Variants in GRM1 observed in about 807,000 individuals in gnomAD.
The protein encoded by GRM1 is metabotropic glutamate receptor 1.
A neutral mutation model predicts 90.9 loss-of-function variants in GRM1; 33 were observed. The ratio of observed to expected loss-of-function variants is 0.36; its 90% CI spans 0.28 to 0.49. The LOEUF is 0.49. Ranked by LOEUF, GRM1 falls within the 20% of genes least tolerant of loss-of-function variation. The probability of loss-of-function intolerance (pLI) is 0.99; values close to 1 mark genes in which losing one functional copy is unlikely to be tolerated. For missense variants in GRM1, 1,190 were observed against 1,534.3 expected, an observed-to-expected ratio of 0.78 and a Z score of 3.75; for synonymous variants, 700 against 613.2, an observed-to-expected ratio of 1.14 and a Z score of -2.09.
chr6:146,031,115 T>A (rs937579699), intron 1 of GRM1, among the ~76,000 whole-genome samples: 1 of 152,200 alleles, frequency 6.6e-6, no homozygotes, highest in Non-Finnish European at 1.5e-5. Flanking sequence ...GACTTATGGA[T>A]GTGAATTTTC....
chr6:146,194,748 T>C (rs986356624), intron 2 of GRM1, among the ~76,000 whole-genome samples: 9 of 152,204 alleles, frequency 5.9e-5, no homozygotes, highest in African/African-American at 2.2e-4. Flanking sequence ...ACTAAGTAGA[T>C]ATTGTCCCAC....
intron 2 of GRM1, among the ~76,000 whole-genome samples, chr6:146,207,362 C>T (rs916276105): frequency 3.9e-5 from 6 of 152,044 alleles, no homozygotes; most frequent in Non-Finnish European, 8.8e-5. Flanking sequence ...CTTTTATTTT[C>T]TTGCTTGTTG....
rs536160148 is a variant in GRM1, at chr6:146,147,331, G to A, written c.701-12017G>A. On this transcript the variant is annotated intron_variant, in intron 1 of 7. Coordinates refer to ENST00000282753, the MANE Select transcript of GRM1 (RefSeq NM_001278064.2). ...CAAATCCCAGCTCCGACAGTATCTGGGCAAGTTACGTAAGTTCTCTAGTCC... is the reference window on the plus strand; with the variant it reads ...CAAATCCCAGCTCCGACAGTATCTGAGCAAGTTACGTAAGTTCTCTAGTCC... Among the ~76,000 whole-genome samples the A allele has an allele frequency of 3.3e-5, 5 of 152,302 alleles. No individual in the cohort carries two copies. The East Asian group carries it at 5.8e-4, about 18-fold the overall frequency.
At chr6:146,273,014 T>A (rs1347821327) in intron 2 of GRM1, among the ~76,000 whole-genome samples, 2 of 152,184 alleles carry the variant, frequency 1.3e-5, no homozygotes, top group Non-Finnish European at 2.9e-5. Context: ...AAGACAGGTC[T>A]TTCTTCCAGC....
At chr6:146,339,649 G>A (rs1180705261) in intron 3 of GRM1, among the ~76,000 whole-genome samples, 1 of 152,158 alleles carries the variant, frequency 6.6e-6, no homozygotes, top group Non-Finnish European at 1.5e-5. Context: ...GAATAATTGA[G>A]ATAATATGAA....
At chr6:146,390,074 A>AT (rs1776661373) in intron 6 of GRM1, among the ~76,000 whole-genome samples, 1 of 151,840 alleles carries the variant, frequency 6.6e-6, no homozygotes, top group Non-Finnish European at 1.5e-5. Context: ...TTTATGGGTA[A>AT]TTTTTTTTCA....
chr6:146,130,765 G>C (rs917912550), intron 1 of GRM1, among the ~76,000 whole-genome samples: 1 of 152,118 alleles, frequency 6.6e-6, no homozygotes, highest in Non-Finnish European at 1.5e-5. Flanking sequence ...CTGAGTTTAG[G>C]CTGTGACATT....
At chr6:146,166,168 G>A (rs1373283709) in intron 2 of GRM1, among the ~76,000 whole-genome samples, 1 of 152,052 alleles carries the variant, frequency 6.6e-6, no homozygotes, top group African/African-American at 2.4e-5. Flanking sequence ...GTTCCTACCT[G>A]GGTTTAAATC....
intron 5 of GRM1, among the ~76,000 whole-genome samples, chr6:146,379,599 T>C: frequency 6.6e-6 from 1 of 152,170 alleles, no homozygotes. Context: ...GTTAATTTAG[T>C]GAGGTCATGT....
intron 5 of GRM1, among the ~76,000 whole-genome samples, chr6:146,377,974 A>G (rs941819063): frequency 6.6e-6 from 1 of 152,198 alleles, no homozygotes; most frequent in African/African-American, 2.4e-5. Context: ...GCTGTGGCTA[A>G]AATGGGCCAA....
intron 1 of GRM1, among the ~76,000 whole-genome samples, chr6:146,153,395 C>T (rs1777409060): frequency 6.6e-6 from 1 of 152,112 alleles, no homozygotes; most frequent in Non-Finnish European, 1.5e-5. Context: ...ATAATGTGTA[C>T]AAATACAATT....
chr6:146,195,328 C>A (rs1379928952), intron 2 of GRM1, among the ~76,000 whole-genome samples: 2 of 152,150 alleles, frequency 1.3e-5, no homozygotes, highest in Admixed American at 1.3e-4. Flanking sequence ...TCTATTTTAG[C>A]CTTGGCCCAT....
intron 1 of GRM1, among the ~76,000 whole-genome samples, chr6:146,077,762 A>G (rs1426521019): frequency 1.3e-5 from 2 of 152,190 alleles, no homozygotes; most frequent in East Asian, 1.9e-4. Flanking sequence ...CATTTCCACA[A>G]GTATTTGCTA....
intron 1 of GRM1, among the ~76,000 whole-genome samples, chr6:146,040,117 C>A (rs977117616): frequency 2.0e-5 from 3 of 151,628 alleles, no homozygotes. Flanking sequence ...GAGAAAGAGT[C>A]TACAGAAAAG....
chr6:146,418,318 A>G (rs114399317), intron 7 of GRM1, among the ~76,000 whole-genome samples: 2,757 of 151,984 alleles, frequency 0.018, 85 homozygotes, highest in African/African-American at 0.063. Context: ...AAAAAGAATC[A>G]TGGTCTGAAT....
At chr6:146,329,954 T>G (rs1440077291) in intron 3 of GRM1, among the ~76,000 whole-genome samples, 1 of 152,208 alleles carries the variant, frequency 6.6e-6, no homozygotes, top group Non-Finnish European at 1.5e-5. Flanking sequence ...CTGTTGTATG[T>G]CGGGGACTGC....
intron 1 of GRM1, among the ~76,000 whole-genome samples, chr6:146,138,252 C>A (rs1211494327): frequency 6.6e-6 from 1 of 151,982 alleles, no homozygotes; most frequent in African/African-American, 2.4e-5. Flanking sequence ...AGGGGAAAAG[C>A]TTTCAGTTTT....
intron 5 of GRM1, among the ~76,000 whole-genome samples, chr6:146,385,689 A>T (rs971193847): frequency 2.0e-5 from 3 of 150,238 alleles, no homozygotes; most frequent in Non-Finnish European, 4.4e-5. Context: ...TTTAAAAAAC[A>T]TATTTCAGGG....
chr6:146,292,268 C>T (rs1237314340), intron 2 of GRM1, among the ~76,000 whole-genome samples: 2 of 151,548 alleles, frequency 1.3e-5, no homozygotes, highest in East Asian at 3.9e-4. Flanking sequence ...AAATGCATTA[C>T]CAATGAAAGA....
Sources: allele counts gnomAD v4.1 joint callset (sites outside exome capture counted in the v4.1 genomes callset), GRCh38; gene constraint gnomAD v4.1.1; transcripts MANE v1.5; gene names NCBI Gene and HGNC (gene_info 2026-07-23, HGNC 2026-07-21).